Variants in TLK2 observed in about 807,000 individuals in gnomAD.
The protein encoded by TLK2 is serine/threonine-protein kinase tousled-like 2.
A neutral mutation model predicts 117.3 loss-of-function variants in TLK2; 6 were observed. The observed-to-expected ratio is 0.05, with a 90% CI of 0.03 to 0.10. TLK2 has a LOEUF of 0.10. TLK2 is among the 10% of genes least tolerant of loss of function. The probability of loss-of-function intolerance (pLI) is 1.00; values close to 1 mark genes in which losing one functional copy is unlikely to be tolerated. For missense variants in TLK2, 299 were observed against 901.2 expected (o/e 0.33, Z 8.56); for synonymous variants, 257 against 316.7 (o/e 0.81, Z 2.00).
chr17:62,587,142 C>A (rs1031895084), intron 16 of TLK2, among the ~76,000 whole-genome samples: 1 of 152,108 alleles, frequency 6.6e-6, no homozygotes, highest in African/African-American at 2.4e-5. Context: ...TGAATTGTTA[C>A]AATATGCACA....
Position 62,547,333 on chromosome 17 carries a change from T to G in TLK2, c.532-4969T>G, listed in dbSNP as rs1211809841. On this transcript the variant is annotated intron_variant, in intron 7 of 21. Transcript: ENST00000346027. ...GGATTAGAGTGATTAGGTGTTGGCA[T>G]GGATTTTTTTTTTTTTTCTTTTTGG... Among the ~76,000 whole-genome samples the G allele has an allele frequency of 2.6e-5, 4 of 151,912 alleles. 1 individual carries two copies. Among genetic ancestry groups the G allele is most frequent in the Non-Finnish European group, 5.9e-5 (4 of 67,988 alleles).
chr17:62,505,630 C>T (rs1362563542), intron 2 of TLK2, among the ~76,000 whole-genome samples: 6 of 151,766 alleles, frequency 4.0e-5, no homozygotes, highest in Non-Finnish European at 7.4e-5. Context: ...TTTAAAAATG[C>T]TTTTAATACA....
intron 17 of TLK2, among the ~76,000 whole-genome samples, chr17:62,598,579 C>T (rs4990253): frequency 0.59 from 89,172 of 151,418 alleles, 26,461 homozygotes; most frequent in East Asian, 0.82. Context: ...GGCTGGAGTT[C>T]AGTGGTGCGA....
intron 2 of TLK2, among the ~76,000 whole-genome samples, chr17:62,493,833 C>CT (rs1431833377): frequency 6.6e-6 from 1 of 152,038 alleles, no homozygotes. Context: ...CCTTGGCTCA[C>CT]TGCAACCTCC....
intron 2 of TLK2, among the ~76,000 whole-genome samples, chr17:62,485,030 C>CA (rs987328391): frequency 1.3e-5 from 2 of 151,880 alleles, no homozygotes; most frequent in Non-Finnish European, 2.9e-5. Flanking sequence ...GGCTCCGTCT[C>CA]AAAAAACAAA....
chr17:62,566,626 G>C (rs1403719430), intron 11 of TLK2, among the ~76,000 whole-genome samples: 1 of 152,212 alleles, frequency 6.6e-6, no homozygotes, highest in African/African-American at 2.4e-5. Flanking sequence ...GGTGATAGCA[G>C]AGGTATCAGG....
intron 21 of TLK2, among the ~76,000 whole-genome samples, chr17:62,610,750 G>A (rs746689004): frequency 2.0e-5 from 3 of 152,182 alleles, no homozygotes; most frequent in African/African-American, 7.2e-5. Context: ...GTGAGGGTAA[G>A]TGTGAGGGAA....
At chr17:62,506,349 G>C (rs2074688514) in intron 2 of TLK2, among the ~76,000 whole-genome samples, 2 of 152,156 alleles carry the variant, frequency 1.3e-5, no homozygotes, top group Non-Finnish European at 2.9e-5. Context: ...GGGCCTTGAA[G>C]GAAGGCCATA....
intron 2 of TLK2, among the ~76,000 whole-genome samples, chr17:62,499,484 G>A (rs529123307): frequency 8.5e-5 from 13 of 152,066 alleles, no homozygotes; most frequent in African/African-American, 3.1e-4. Context: ...CCTACTAATC[G>A]TGCTCAGTAA....
intron 2 of TLK2, among the ~76,000 whole-genome samples, chr17:62,493,765 T>C (rs1373098133): frequency 6.9e-6 from 1 of 145,966 alleles, no homozygotes; most frequent in African/African-American, 2.5e-5. Context: ...TAGGATAGTC[T>C]TTTTTTTTTT....
intron 1 of TLK2, chr17:62,471,114 A>T (rs1170309622): frequency 6.6e-6 from 1 of 152,294 alleles, no homozygotes; most frequent in Admixed American, 6.5e-5. Flanking sequence ...AACTAAAGGC[A>T]GAGAGTTTAA....
intron 2 of TLK2, among the ~76,000 whole-genome samples, chr17:62,493,845 C>T (rs1256544649): frequency 6.6e-6 from 1 of 152,040 alleles, no homozygotes; most frequent in African/African-American, 2.4e-5. Flanking sequence ...GCAACCTCCG[C>T]CTCCTGGGTT....
chr17:62,497,374 T>G (rs1184583079), intron 2 of TLK2, among the ~76,000 whole-genome samples: 3 of 152,220 alleles, frequency 2.0e-5, no homozygotes, highest in Non-Finnish European at 4.4e-5. Context: ...ACACAGTATT[T>G]TTCTCTTACA....
intron 15 of TLK2, among the ~76,000 whole-genome samples, chr17:62,581,291 C>T (rs2081200412): frequency 6.6e-6 from 1 of 152,202 alleles, no homozygotes; most frequent in Admixed American, 6.5e-5. Flanking sequence ...GTGTGAGACA[C>T]TGCACCCAGC....
rs147460142 is a variant in TLK2 at position 62,571,219 on chromosome 17, A to G, written c.969-1996A>G. Among the ~76,000 whole-genome samples, 18 of 152,326 alleles carry G rather than the reference A, an allele frequency of 1.2e-4. No individual in the cohort carries two copies. In the East Asian group the frequency reaches 3.3e-3, roughly 28 times the overall value. ...GTTCCAGGACCTTCCTCAGATACCAAAATCCATGGATGCTCAAGTCCCTGA... is the reference window on the plus strand; with the variant it reads ...GTTCCAGGACCTTCCTCAGATACCAGAATCCATGGATGCTCAAGTCCCTGA... On this transcript the variant is annotated intron_variant, in intron 11 of 21. Transcript: ENST00000346027.
intron 7 of TLK2, among the ~76,000 whole-genome samples, chr17:62,542,770 T>A (rs536862072): frequency 2.6e-5 from 4 of 152,352 alleles, no homozygotes; most frequent in Non-Finnish European, 5.9e-5. Flanking sequence ...GTCTGTTGTT[T>A]CCTTAAAACT....
intron 9 of TLK2, among the ~76,000 whole-genome samples, chr17:62,555,331 T>C (rs1237248382): frequency 2.0e-5 from 3 of 152,174 alleles, no homozygotes; most frequent in African/African-American, 7.2e-5. Context: ...CTTCCAAAAT[T>C]GTTTTACTTG....
At chr17:62,602,600 G>A (rs1384797408) in intron 19 of TLK2, among the ~76,000 whole-genome samples, 1 of 152,180 alleles carries the variant, frequency 6.6e-6, no homozygotes, top group Non-Finnish European at 1.5e-5. Context: ...ATGTTGGACT[G>A]TAGGGAGTTA....
In TLK2 at chr17:62,527,017, C is replaced by G. The variant is rs1347460565; in HGVS notation, c.363+2686C>G. On this transcript the variant is annotated intron_variant, in intron 6 of 21. Coordinates refer to ENST00000346027, the MANE Select transcript of TLK2 (RefSeq NM_006852.6). ...CTTCCCATCGTCCACCTGATTCTGA[C>G]ATCTGCAGCCATTCTCCCTCTCCTT... Among the ~76,000 whole-genome samples the G allele has an allele frequency of 2.0e-5, 3 of 152,232 alleles. No individual in the cohort carries two copies. In the East Asian group the frequency reaches 5.8e-4, roughly 29 times the overall value.
Sources: gnomAD v4.1 joint callset for allele counts (sites outside exome capture counted in the v4.1 genomes callset) on GRCh38, gnomAD v4.1.1 for gene constraint, MANE v1.5 for transcripts, NCBI Gene and HGNC (gene_info 2026-07-23, HGNC 2026-07-21) for gene names.